ENPEP: variants seen among roughly 807,000 people sequenced by gnomAD.
The protein encoded by ENPEP is glutamyl aminopeptidase.
In ENPEP, 103 loss-of-function variants were observed where a neutral mutation model predicts 114.5. That is an observed-to-expected ratio of 0.90 (90% CI 0.77 to 1.06). The LOEUF (loss-of-function observed/expected upper bound fraction) is 1.06. Among genes scored for constraint, ENPEP ranks in the 50% least tolerant of loss-of-function variants. The probability of loss-of-function intolerance (pLI) is 0.00; values close to 1 mark genes in which losing one functional copy is unlikely to be tolerated. For missense variants in ENPEP, 1,196 were observed against 1,161.3 expected, an observed-to-expected ratio of 1.03 and a Z score of -0.43; for synonymous variants, 420 against 422.0, an observed-to-expected ratio of 1.00 and a Z score of 0.06.
In ENPEP at chr4:110,478,587, T is replaced by C. The variant is rs144863544; in HGVS notation, c.644+1529T>C. Among the ~76,000 whole-genome samples the C allele has an allele frequency of 2.0e-4, 30 of 152,320 alleles. No homozygotes were observed. The East Asian group carries it at 5.6e-3, about 28-fold the overall frequency. On this transcript the variant is annotated intron_variant, in intron 1 of 19. Transcript: ENST00000265162. ...TGTCTTGAGAAGTTCCCCTTATTCT[T>C]ACATGTTTTCAAGAATCTGTTTTTT...
At chr4:110,508,104 CTCTT>C (rs1337746088) in intron 4 of ENPEP, among the ~76,000 whole-genome samples, 2 of 152,106 alleles carry the variant, frequency 1.3e-5, no homozygotes, top group East Asian at 1.9e-4. Flanking sequence ...CTCTTCTCCT[CTCTT>C]TCTTTCTCCC....
rs561970566 is a variant in ENPEP, at chr4:110,550,750, C to A, written c.2501+864C>A. 5.3e-5 allele frequency among the ~76,000 whole-genome samples: 8 copies of A among 152,176 alleles called. No homozygotes were observed. In the South Asian group the frequency reaches 1.5e-3, roughly 28 times the overall value. Reference sequence around the variant, plus strand: ...ATTGTGGAAATAAAAATGAATAAAACATGAATAAAAATGACATCTATCCTT... The same window carrying A: ...ATTGTGGAAATAAAAATGAATAAAAAATGAATAAAAATGACATCTATCCTT... On this transcript the variant is annotated intron_variant, in intron 17 of 19. Transcript: ENST00000265162.
chr4:110,546,334 C>T (rs524875), intron 13 of ENPEP, among the ~76,000 whole-genome samples: 151,808 of 151,856 alleles, frequency 1, 75,880 homozygotes, highest in Non-Finnish European at 1. Context: ...CCCCTGCTTG[C>T]TACAATAGTT....
At chr4:110,560,952 C>G (rs1727656882) in intron 19 of ENPEP, among the ~76,000 whole-genome samples, 4 of 152,008 alleles carry the variant, frequency 2.6e-5, no homozygotes, top group Admixed American at 2.6e-4. Context: ...AGAGGGAGTA[C>G]AGCACTAATT....
chr4:110,538,607 T>A (rs1726733869), intron 11 of ENPEP, among the ~76,000 whole-genome samples: 1 of 152,226 alleles, frequency 6.6e-6, no homozygotes, highest in African/African-American at 2.4e-5. Flanking sequence ...GGAGTAGGAC[T>A]TTTAATTTCC....
At chr4:110,543,832 C>G (rs1310147739) in intron 13 of ENPEP, among the ~76,000 whole-genome samples, 3 of 151,976 alleles carry the variant, frequency 2.0e-5, no homozygotes, top group African/African-American at 7.2e-5. Flanking sequence ...CCCATGGCCT[C>G]TTTCTCTGGG....
chr4:110,553,397 T>G lies in ENPEP; in HGVS notation c.2584T>G (p.Tyr862Asp), dbSNP rs1414646413. Residue 862 changes from tyrosine to aspartate, a missense_variant, in exon 18 of 20, where the codon TAT (tyrosine) becomes GAT (aspartate). By Grantham distance (160) the Tyr-to-Asp change is radical. Transcript: ENST00000265162. ...TVIRYISYNSYGKNMAWNWIQ... is the reference protein window; with the variant it reads ...TVIRYISYNSDGKNMAWNWIQ... ...CATTCGATATATCTCATATAACAGC[T>G]ATGGGAAGAACATGGCCTGGAATTG... is the stretch of plus-strand genomic sequence containing the variant. 1.2e-6 allele frequency: 2 copies of G among 1,611,376 alleles called. No individual in the cohort carries two copies. Among genetic ancestry groups the G allele is most frequent in the Non-Finnish European group, 1.7e-6 (2 of 1,178,290 alleles).
At chr4:110,517,584 C>T (rs1725827866) in intron 8 of ENPEP, among the ~76,000 whole-genome samples, 1 of 152,036 alleles carries the variant, frequency 6.6e-6, no homozygotes, top group Non-Finnish European at 1.5e-5. Context: ...CTAATAATTC[C>T]ATAAAACTCT....
chr4:110,503,275 G>A (rs12506732), intron 3 of ENPEP, among the ~76,000 whole-genome samples: 76,223 of 151,952 alleles, frequency 0.5, 19,814 homozygotes, highest in Middle Eastern at 0.64. Flanking sequence ...TTAGTTTGGG[G>A]AGCCAGTTTT....
intron 13 of ENPEP, among the ~76,000 whole-genome samples, chr4:110,546,865 G>A (rs974400422): frequency 3.9e-5 from 6 of 152,078 alleles, no homozygotes; most frequent in African/African-American, 1.4e-4. Context: ...GGCAAGTTCA[G>A]TTGAGTGACT....
intron 18 of ENPEP, among the ~76,000 whole-genome samples, chr4:110,556,299 A>G (rs950230224): frequency 5.3e-5 from 8 of 151,978 alleles, no homozygotes; most frequent in African/African-American, 1.9e-4. Flanking sequence ...CTATTGTCAT[A>G]TTACTGTTTC....
chr4:110,527,497 A>G (rs1199964438), intron 10 of ENPEP, among the ~76,000 whole-genome samples: 2 of 152,122 alleles, frequency 1.3e-5, no homozygotes. Context: ...CCTTACCTTT[A>G]TTTTAGAAAG....
At chr4:110,528,369 A>G (rs951047731) in intron 10 of ENPEP, among the ~76,000 whole-genome samples, 1 of 152,216 alleles carries the variant, frequency 6.6e-6, no homozygotes, top group Non-Finnish European at 1.5e-5. Context: ...ATTTGATCAT[A>G]ATAAATGCCT....
chr4:110,529,577 A>C (rs1284762092), intron 10 of ENPEP, among the ~76,000 whole-genome samples: 1 of 152,190 alleles, frequency 6.6e-6, no homozygotes, highest in East Asian at 1.9e-4. Context: ...AGTGCAGATC[A>C]TACTTCAGAG....
In ENPEP at chr4:110,562,839, A is replaced by C. The variant is rs1033857410; in HGVS notation, c.*1281A>C. 2.0e-5 allele frequency: 3 copies of C among 152,174 alleles called. No individual in the cohort carries two copies. The highest frequency in any genetic ancestry group is 7.2e-5 in the African/African-American group (3 of 41,462). 9.4% of individuals were successfully genotyped at this position (152,174 alleles called of 1,614,324 possible). ...CTAAATTTATTTGGAACTTTCAAAA[A>C]TGTAAGGTAATTTAGAATCGGCTTG... On this transcript the variant is annotated 3_prime_UTR_variant, in exon 20 of 20. Transcript: ENST00000265162.
chr4:110,485,922 A>G (rs1179693351), intron 1 of ENPEP, among the ~76,000 whole-genome samples: 1 of 151,862 alleles, frequency 6.6e-6, no homozygotes, highest in African/African-American at 2.4e-5. Context: ...ATTATTACTG[A>G]TGCTTCCTTT....
In ENPEP at chr4:110,562,453, G is replaced by C. The variant is rs1047548423; in HGVS notation, c.*895G>C. On this transcript the variant is annotated 3_prime_UTR_variant, in exon 20 of 20. Transcript: ENST00000265162. ...AGCTAAATAATTGGAAACTGTTCAG[G>C]AAAGAGAGAAGGCAGATTATTTCTT... is the stretch of plus-strand genomic sequence containing the variant. 8.5e-5 allele frequency: 13 copies of C among 152,110 alleles called. No homozygotes were observed. Among genetic ancestry groups the C allele is most frequent in the African/African-American group, 3.1e-4 (13 of 41,440 alleles). 9.4% of individuals were successfully genotyped at this position (152,110 alleles called of 1,614,324 possible).
At chr4:110,489,093 T>C (rs1192441835) in intron 2 of ENPEP, among the ~76,000 whole-genome samples, 1 of 151,930 alleles carries the variant, frequency 6.6e-6, no homozygotes, top group Non-Finnish European at 1.5e-5. Context: ...TTGAAAAAGA[T>C]AAAGCTACTA....
intron 3 of ENPEP, chr4:110,506,102 C>T (rs1360119255): frequency 6.6e-6 from 1 of 152,062 alleles, no homozygotes. Context: ...TTCGAAATAA[C>T]TAGATAGAAA....
Sources: allele counts gnomAD v4.1 joint callset (sites outside exome capture counted in the v4.1 genomes callset), GRCh38; gene constraint gnomAD v4.1.1; transcripts MANE v1.5; gene names NCBI Gene and HGNC (gene_info 2026-07-23, HGNC 2026-07-21).